Variants in LINGO2 observed in about 807,000 individuals in gnomAD.
LINGO2 encodes leucine rich repeat and Ig domain containing 2.
Under a neutral mutation model 30.6 loss-of-function variants are expected in LINGO2, and 14 were observed. That is an observed-to-expected ratio of 0.46 (90% CI 0.30 to 0.72). The LOEUF (loss-of-function observed/expected upper bound fraction) is 0.72. LINGO2 is among the 30% of genes least tolerant of loss of function. The pLI is 0.07. For synonymous variants in LINGO2, 317 were observed against 288.5 expected (o/e 1.10, Z -1.00); for missense variants, 729 against 751.7 (o/e 0.97, Z 0.35).
intron 3 of LINGO2, among the ~76,000 whole-genome samples, chr9:28,312,301 T>C (rs868749010): frequency 6.6e-6 from 1 of 152,082 alleles, no homozygotes; most frequent in Non-Finnish European, 1.5e-5. Flanking sequence ...AGCTCAAATT[T>C]TTTTAAATTT....
chr9:28,531,240 C>CAAAGCACA (rs1821227064), intron 1 of LINGO2, among the ~76,000 whole-genome samples: 1 of 151,922 alleles, frequency 6.6e-6, no homozygotes, highest in Non-Finnish European at 1.5e-5. Flanking sequence ...AATGCTTTAT[C>CAAAGCACA]AAAGCACATA....
intron 4 of LINGO2, among the ~76,000 whole-genome samples, chr9:28,078,236 A>C (rs1248202228): frequency 6.7e-6 from 1 of 149,104 alleles, no homozygotes; most frequent in Non-Finnish European, 1.5e-5. Context: ...GTTAACACTC[A>C]GGAAGTGTGT....
chr9:28,969,473 G>T, the LINGO2 span, among the ~76,000 whole-genome samples: 2 of 152,204 alleles, frequency 1.3e-5, no homozygotes, highest in Non-Finnish European at 2.9e-5. Context: ...TTTGGCTTTT[G>T]AGCTGAAGAG....
chr9:28,664,628 A>T (rs1828719123), intron 1 of LINGO2, among the ~76,000 whole-genome samples: 1 of 152,000 alleles, frequency 6.6e-6, no homozygotes, highest in South Asian at 2.1e-4. Context: ...AACATACACA[A>T]ATTTTCATCA....
At chr9:28,823,103 G>A in the LINGO2 span, among the ~76,000 whole-genome samples, 4 of 152,254 alleles carry the variant, frequency 2.6e-5, no homozygotes, top group African/African-American at 9.6e-5. Context: ...TCAGAGTTCA[G>A]TTATTAAGCC....
At chr9:28,785,548 G>C in the LINGO2 span, among the ~76,000 whole-genome samples, 2 of 152,088 alleles carry the variant, frequency 1.3e-5, no homozygotes, top group African/African-American at 4.8e-5. Context: ...CAAAAACATT[G>C]TCACTTTGAG....
At chr9:27,951,708 C>T (rs550557771) in intron 5 of LINGO2, among the ~76,000 whole-genome samples, 2 of 152,138 alleles carry the variant, frequency 1.3e-5, no homozygotes, top group East Asian at 3.9e-4. Flanking sequence ...CTCAGGGGTA[C>T]ACTTTATCCA....
chr9:28,433,826 T>C (rs976713268), intron 2 of LINGO2, among the ~76,000 whole-genome samples: 1 of 151,706 alleles, frequency 6.6e-6, no homozygotes, highest in African/African-American at 2.4e-5. Context: ...CACATGCACA[T>C]GCATGTTTAC....
intron 4 of LINGO2, among the ~76,000 whole-genome samples, chr9:28,040,924 AC>A (rs1426956344): frequency 6.6e-6 from 1 of 152,146 alleles, no homozygotes; most frequent in Non-Finnish European, 1.5e-5. Context: ...AGAGGAATTG[AC>A]CTATAGTATA....
chr9:28,511,335 C>A (rs1477240885), intron 1 of LINGO2, among the ~76,000 whole-genome samples: 1 of 152,162 alleles, frequency 6.6e-6, no homozygotes, highest in Non-Finnish European at 1.5e-5. Context: ...ACTGATCACC[C>A]TGAGGAATGG....
the LINGO2 span, chr9:28,888,779 A>G: frequency 2.1e-6 from 1 of 480,644 alleles, no homozygotes; most frequent in African/African-American, 2.0e-5. Flanking sequence ...CTTGTTTAGA[A>G]CTTAAACTTA....
chr9:29,085,814 AG>A, the LINGO2 span, among the ~76,000 whole-genome samples: 1 of 152,178 alleles, frequency 6.6e-6, no homozygotes, highest in Non-Finnish European at 1.5e-5. Context: ...CTTATCAACA[AG>A]GAAATTGAAA....
chr9:28,145,990 C>G (rs1332550007), intron 4 of LINGO2, among the ~76,000 whole-genome samples: 2 of 152,158 alleles, frequency 1.3e-5, no homozygotes, highest in African/African-American at 4.8e-5. Context: ...CTTTGGTGAG[C>G]AGACAGATGG....
At chr9:28,169,878 G>C (rs765440160) in intron 4 of LINGO2, among the ~76,000 whole-genome samples, 2 of 152,162 alleles carry the variant, frequency 1.3e-5, no homozygotes, top group Admixed American at 1.3e-4. Flanking sequence ...CTGCAATCTA[G>C]CTCTTTCATA....
intron 1 of LINGO2, among the ~76,000 whole-genome samples, chr9:28,542,091 G>A (rs1821724379): frequency 6.6e-6 from 1 of 152,118 alleles, no homozygotes; most frequent in African/African-American, 2.4e-5. Flanking sequence ...GATTAGGAAG[G>A]GAAAGAAGTT....
At chr9:28,905,490 C>T in the LINGO2 span, among the ~76,000 whole-genome samples, 1 of 151,840 alleles carries the variant, frequency 6.6e-6, no homozygotes, top group South Asian at 2.1e-4. Context: ...AAAATACCTA[C>T]ACAAATAATT....
the LINGO2 span, among the ~76,000 whole-genome samples, chr9:29,085,449 T>C: frequency 1.3e-5 from 2 of 152,040 alleles, no homozygotes; most frequent in Admixed American, 1.3e-4. Context: ...AATTCATTTA[T>C]TCTTCAGAAT....
the LINGO2 span, among the ~76,000 whole-genome samples, chr9:29,156,569 T>G: frequency 4.1e-3 from 628 of 152,224 alleles, 2 homozygotes; most frequent in African/African-American, 0.015. Flanking sequence ...TATCAATAAA[T>G]AAGGCTAAAA....
chr9:28,957,098 A>G, the LINGO2 span, among the ~76,000 whole-genome samples: 2 of 152,050 alleles, frequency 1.3e-5, no homozygotes, highest in Non-Finnish European at 2.9e-5. Flanking sequence ...TGGACTCAAC[A>G]TATTCAGAAG....
Sources: allele counts gnomAD v4.1 joint callset (sites outside exome capture counted in the v4.1 genomes callset), GRCh38; gene constraint gnomAD v4.1.1; transcripts MANE v1.5; gene names NCBI Gene and HGNC (gene_info 2026-07-23, HGNC 2026-07-21).